ENOX1: variants seen among roughly 807,000 people sequenced by gnomAD.
ENOX1 encodes ecto-NOX disulfide-thiol exchanger 1.
In ENOX1, 42 loss-of-function variants were observed where a neutral mutation model predicts 82.5. The ratio of observed to expected loss-of-function variants is 0.51; its 90% confidence interval spans 0.40 to 0.66. ENOX1 has a LOEUF of 0.66. Among genes scored for constraint, ENOX1 ranks in the 30% least tolerant of loss-of-function variants. The pLI, the probability that ENOX1 is intolerant of heterozygous loss-of-function variation, is 0.00. For synonymous variants in ENOX1, 271 were observed against 282.2 expected (o/e 0.96, Z 0.40); for missense variants, 608 against 811.6 (o/e 0.75, Z 3.05).
intron 2 of ENOX1, among the ~76,000 whole-genome samples, chr13:43,627,693 T>C (rs2083025821): frequency 6.6e-6 from 1 of 152,126 alleles, no homozygotes; most frequent in Non-Finnish European, 1.5e-5. Context: ...TTACACATGC[T>C]TTTGTTTACT....
chr13:43,435,161 G>T (rs1204554368), intron 3 of ENOX1, among the ~76,000 whole-genome samples: 2 of 151,952 alleles, frequency 1.3e-5, no homozygotes, highest in Non-Finnish European at 2.9e-5. Context: ...TCTAAAACTG[G>T]AAACTGATGG....
At chr13:43,415,948 G>A (rs1405645700) in intron 3 of ENOX1, among the ~76,000 whole-genome samples, 7 of 140,842 alleles carry the variant, frequency 5.0e-5, no homozygotes, top group East Asian at 2.3e-4. Flanking sequence ...TGGGGTGGCC[G>A]GACAGAAGCG....
intron 11 of ENOX1, among the ~76,000 whole-genome samples, chr13:43,315,157 A>G (rs1385855975): frequency 6.6e-6 from 1 of 152,234 alleles, no homozygotes; most frequent in South Asian, 2.1e-4. Flanking sequence ...GTAATGTTAT[A>G]ACACAATTTT....
intron 1 of ENOX1, among the ~76,000 whole-genome samples, chr13:43,735,826 A>G (rs1207227059): frequency 6.6e-6 from 1 of 152,348 alleles, no homozygotes; most frequent in East Asian, 1.9e-4. Context: ...TGAAACACAT[A>G]TATATAATCA....
At chr13:43,221,758 C>A (rs1042186605) in intron 16 of ENOX1, among the ~76,000 whole-genome samples, 2 of 152,120 alleles carry the variant, frequency 1.3e-5, no homozygotes, top group African/African-American at 4.8e-5. Context: ...TAATTCCTTC[C>A]ATTCCTAGTC....
chr13:43,253,684 C>T (rs1191647821), intron 14 of ENOX1, among the ~76,000 whole-genome samples: 2 of 152,208 alleles, frequency 1.3e-5, no homozygotes, highest in Non-Finnish European at 1.5e-5. Context: ...GAGTAGCATA[C>T]AGAACTAAGA....
At chr13:43,258,038 T>C (rs980700407) in intron 14 of ENOX1, among the ~76,000 whole-genome samples, 2 of 152,202 alleles carry the variant, frequency 1.3e-5, no homozygotes, top group African/African-American at 2.4e-5. Context: ...ACCAAGCAGG[T>C]ACCACCAACT....
At chr13:43,616,082 TTATATATATATATCTA>T (rs1566639982) in intron 2 of ENOX1, among the ~76,000 whole-genome samples, 2 of 29,786 alleles carry the variant, frequency 6.7e-5, no homozygotes, top group African/African-American at 1.8e-4. Context: ...AAGTTTGACA[TTATATATATATATCTA>T]TATAGATAGA....
chr13:43,448,635 C>G (rs2056788952), intron 3 of ENOX1, among the ~76,000 whole-genome samples: 1 of 151,814 alleles, frequency 6.6e-6, no homozygotes, highest in Admixed American at 6.6e-5. Flanking sequence ...CCCTTTTTTG[C>G]CTCAACTCAT....
At chr13:43,299,843 C>G (rs1033534016) in intron 11 of ENOX1, among the ~76,000 whole-genome samples, 5 of 152,140 alleles carry the variant, frequency 3.3e-5, no homozygotes, top group African/African-American at 1.2e-4. Context: ...CACACCAGGT[C>G]GTCAGTGCAT....
chr13:43,728,170 G>A (rs1409530698), intron 1 of ENOX1, among the ~76,000 whole-genome samples: 1 of 152,044 alleles, frequency 6.6e-6, no homozygotes, highest in Non-Finnish European at 1.5e-5. Context: ...TGGGGTTAGG[G>A]CAAGTGACCT....
intron 14 of ENOX1, among the ~76,000 whole-genome samples, chr13:43,238,077 C>G (rs1443136308): frequency 6.6e-6 from 1 of 152,172 alleles, no homozygotes; most frequent in East Asian, 1.9e-4. Flanking sequence ...GATGATATAT[C>G]ACAGGGAAGA....
At chr13:43,292,741 A>G (rs185474272) in intron 12 of ENOX1, among the ~76,000 whole-genome samples, 46 of 152,138 alleles carry the variant, frequency 3.0e-4, no homozygotes, top group African/African-American at 1.0e-3. Flanking sequence ...CACCATAGCC[A>G]CCAACACAGC....
At chr13:43,700,544 T>C (rs1229645106) in intron 1 of ENOX1, among the ~76,000 whole-genome samples, 1 of 152,156 alleles carries the variant, frequency 6.6e-6, no homozygotes, top group Non-Finnish European at 1.5e-5. Flanking sequence ...CATGTTCTTT[T>C]AGCCAGCTTC....
At chr13:43,434,937 G>GTTTGTTTTTTTTTTTTTTTTT (rs1555273075) in intron 3 of ENOX1, among the ~76,000 whole-genome samples, 1 of 75,904 alleles carries the variant, frequency 1.3e-5, no homozygotes, top group Non-Finnish European at 2.5e-5. Flanking sequence ...TGTGTGTGTG[G>GTTTGTTTTTTTTTTTTTTTTT]TTTTTTTTTT....
At chr13:43,220,344 A>C (rs2041722558) in intron 16 of ENOX1, among the ~76,000 whole-genome samples, 1 of 152,154 alleles carries the variant, frequency 6.6e-6, no homozygotes, top group Non-Finnish European at 1.5e-5. Context: ...CCACCAGAAG[A>C]AGCATGGACT....
intron 3 of ENOX1, among the ~76,000 whole-genome samples, chr13:43,446,435 CT>C (rs937754975): frequency 3.1e-4 from 45 of 146,850 alleles, no homozygotes; most frequent in African/African-American, 7.7e-4. Context: ...CAAGGATTTC[CT>C]TTTTTTTTTT....
intron 1 of ENOX1, among the ~76,000 whole-genome samples, chr13:43,752,607 C>T (rs766264246): frequency 4.1e-4 from 63 of 152,234 alleles, no homozygotes; most frequent in Non-Finnish European, 7.6e-4. Context: ...CTTGTTTTGA[C>T]ACTATTTGTT....
intron 1 of ENOX1, among the ~76,000 whole-genome samples, chr13:43,719,174 T>C (rs1309458228): frequency 6.6e-6 from 1 of 152,158 alleles, no homozygotes; most frequent in East Asian, 1.9e-4. Flanking sequence ...CTTCTAAGTA[T>C]TTGTTTCCAC....
Sources: gnomAD v4.1 joint callset for allele counts (sites outside exome capture counted in the v4.1 genomes callset) on GRCh38, gnomAD v4.1.1 for gene constraint, MANE v1.5 for transcripts, NCBI Gene and HGNC (gene_info 2026-07-23, HGNC 2026-07-21) for gene names.